Variants in KATNAL2 observed in about 807,000 individuals in gnomAD.
KATNAL2 encodes katanin p60 ATPase-containing subunit A-like 2.
A neutral mutation model predicts 76.3 loss-of-function variants in KATNAL2; 52 were observed. That is an observed-to-expected ratio of 0.68 (90% confidence interval 0.55 to 0.86). The LOEUF is 0.86. Among genes scored for constraint, KATNAL2 ranks in the 40% least tolerant of loss-of-function variants. The pLI is 0.00. For missense variants in KATNAL2, 660 were observed against 668.9 expected, an observed-to-expected ratio of 0.99 and a Z score of 0.15; for synonymous variants, 243 against 244.2, an observed-to-expected ratio of 1.00 and a Z score of 0.05.
At chr18:47,058,175 A>T in intron 6 of KATNAL2, 60 bp from the exon 7 acceptor site, 1 of 1,122,282 alleles carries the variant, frequency 8.9e-7, no homozygotes, top group Non-Finnish European at 1.4e-6. Context: ...ATAGTTGTTT[A>T]ACTACCTCAA....
At chr18:47,079,339 G>A (rs1433176634) in intron 15 of KATNAL2, among the ~76,000 whole-genome samples, 1 of 151,842 alleles carries the variant, frequency 6.6e-6, no homozygotes, top group African/African-American at 2.4e-5. Context: ...AACAAGGTTT[G>A]CACTTTGTAA....
At chr18:47,070,324 C>T (rs2061956390) in intron 13 of KATNAL2, among the ~76,000 whole-genome samples, 1 of 152,056 alleles carries the variant, frequency 6.6e-6, no homozygotes, top group Admixed American at 6.6e-5. Context: ...TGGTCTCGAA[C>T]TCCTGATCTC....
intron 3 of KATNAL2, among the ~76,000 whole-genome samples, chr18:46,949,882 C>A (rs556381513): frequency 5.8e-4 from 89 of 152,322 alleles, no homozygotes; most frequent in African/African-American, 2.1e-3. Flanking sequence ...TTCAGTCCAA[C>A]CTTCATCCAA....
intron 15 of KATNAL2, among the ~76,000 whole-genome samples, chr18:47,084,981 G>A (rs906398496): frequency 2.0e-5 from 3 of 150,790 alleles, no homozygotes; most frequent in Non-Finnish European, 4.4e-5. Context: ...GCAGGGCTCT[G>A]TAGGTCACCT....
intron 1 of KATNAL2, among the ~76,000 whole-genome samples, chr18:46,919,806 A>G (rs1418548092): frequency 6.6e-6 from 1 of 152,184 alleles, no homozygotes; most frequent in African/African-American, 2.4e-5. Context: ...CTGTCTCTCC[A>G]CCATTAACTT....
At chr18:46,918,408 G>T (rs1031967429) in intron 1 of KATNAL2, among the ~76,000 whole-genome samples, 9 of 152,008 alleles carry the variant, frequency 5.9e-5, no homozygotes, top group Non-Finnish European at 1.0e-4. Flanking sequence ...CGTTTCATCC[G>T]CACTGCACTT....
intron 11 of KATNAL2, 148 bp from the exon 12 acceptor site, chr18:47,069,072 T>G (rs2061908479): frequency 1.7e-6 from 1 of 578,902 alleles, no homozygotes; most frequent in Non-Finnish European, 3.1e-6. Flanking sequence ...TTTATTTCGG[T>G]CAGAAGCAGA....
chr18:47,079,622 C>T (rs2062412447), intron 15 of KATNAL2, among the ~76,000 whole-genome samples: 1 of 152,018 alleles, frequency 6.6e-6, no homozygotes, highest in South Asian at 2.1e-4. Flanking sequence ...GTCTTGAACT[C>T]CTGACCTCAA....
At chr18:46,953,617 C>T (rs549414336) in intron 3 of KATNAL2, among the ~76,000 whole-genome samples, 15 of 152,220 alleles carry the variant, frequency 9.9e-5, no homozygotes, top group African/African-American at 3.6e-4. Context: ...ATGAACTGAG[C>T]ATGGTGACAA....
At chr18:47,080,059 C>T (rs1054341716) in intron 15 of KATNAL2, among the ~76,000 whole-genome samples, 4 of 152,178 alleles carry the variant, frequency 2.6e-5, no homozygotes, top group African/African-American at 9.7e-5. Flanking sequence ...ATCATTTCCT[C>T]TGATCAACAG....
chr18:47,052,201 T>C (rs1435836037), intron 4 of KATNAL2, among the ~76,000 whole-genome samples: 2 of 152,230 alleles, frequency 1.3e-5, no homozygotes, highest in Non-Finnish European at 2.9e-5. Context: ...GCCACTTATA[T>C]TGGACAGTTT....
chr18:46,933,213 A>G (rs2058986250), intron 1 of KATNAL2, among the ~76,000 whole-genome samples: 1 of 152,250 alleles, frequency 6.6e-6, no homozygotes, highest in Non-Finnish European at 1.5e-5. Flanking sequence ...AAAAAATAGA[A>G]GCAAATATCT....
At chr18:46,933,631 C>A (rs1418672811) in intron 1 of KATNAL2, among the ~76,000 whole-genome samples, 1 of 151,862 alleles carries the variant, frequency 6.6e-6, no homozygotes, top group African/African-American at 2.4e-5. Flanking sequence ...GTCAAAATAT[C>A]TTTTTTTAAA....
At chr18:47,035,278 T>C (rs753353388) in intron 3 of KATNAL2, 2 of 1,612,322 alleles carry the variant, frequency 1.2e-6, no homozygotes, top group African/African-American at 2.7e-5. Flanking sequence ...ACCAGAGCTG[T>C]GCAGGCGTCG....
At chr18:47,025,656 A>C (rs1225508062) in intron 3 of KATNAL2, among the ~76,000 whole-genome samples, 1 of 152,302 alleles carries the variant, frequency 6.6e-6, no homozygotes. Context: ...GAAATAAGTA[A>C]ATTTGCTGTG....
intron 1 of KATNAL2, among the ~76,000 whole-genome samples, chr18:46,926,424 G>A (rs1470770489): frequency 6.6e-6 from 1 of 152,084 alleles, no homozygotes; most frequent in Non-Finnish European, 1.5e-5. Context: ...CTGAGTTCTA[G>A]TTTGATTGCA....
chr18:47,084,285 CATGT>C (rs770214790), intron 15 of KATNAL2: 24 of 700,792 alleles, frequency 3.4e-5, no homozygotes, highest in African/African-American at 2.3e-4. Flanking sequence ...GCAATGCATG[CATGT>C]GATTGGAGGG....
intron 3 of KATNAL2, among the ~76,000 whole-genome samples, chr18:46,956,565 C>G (rs925947411): frequency 1.3e-5 from 2 of 152,192 alleles, no homozygotes; most frequent in African/African-American, 4.8e-5. Context: ...CCACACCATT[C>G]TTATCCCAGG....
At chr18:46,961,316 G>T (rs577831159) in intron 3 of KATNAL2, among the ~76,000 whole-genome samples, 1 of 152,168 alleles carries the variant, frequency 6.6e-6, no homozygotes, top group African/African-American at 2.4e-5. Flanking sequence ...AGCAGGAGAA[G>T]TGGTGGTCCC....
Sources: gnomAD v4.1 joint callset for allele counts (sites outside exome capture counted in the v4.1 genomes callset) on GRCh38, gnomAD v4.1.1 for gene constraint, MANE v1.5 for transcripts, NCBI Gene and HGNC (gene_info 2026-07-23, HGNC 2026-07-21) for gene names.